The following PEAK1 variants were observed in gnomAD, a reference collection of about 807,000 sequenced individuals.
PEAK1 encodes inactive tyrosine-protein kinase PEAK1.
A neutral mutation model predicts 124.7 loss-of-function variants in PEAK1; 54 were observed. The observed-to-expected ratio is 0.43, with a 90% CI of 0.35 to 0.54. The LOEUF (loss-of-function observed/expected upper bound fraction) is 0.54, where lower values mean the gene tolerates loss of function less well. Ranked by LOEUF, PEAK1 falls within the 20% of genes least tolerant of loss-of-function variation. The probability of loss-of-function intolerance (pLI) is 0.01; values close to 1 mark genes in which losing one functional copy is unlikely to be tolerated. For synonymous variants in PEAK1, 719 were observed against 760.0 expected, an observed-to-expected ratio of 0.95 and a Z score of 0.89; for missense variants, 2,046 against 2,134.5, an observed-to-expected ratio of 0.96 and a Z score of 0.82.
At chr15:77,243,762 G>A (rs2060456732) in intron 6 of PEAK1, among the ~76,000 whole-genome samples, 1 of 152,138 alleles carries the variant, frequency 6.6e-6, no homozygotes, top group Non-Finnish European at 1.5e-5. Context: ...CTGGGGTCGG[G>A]AGTACTAGAC....
intron 6 of PEAK1, among the ~76,000 whole-genome samples, chr15:77,197,417 A>G (rs979250371): frequency 6.6e-6 from 1 of 152,202 alleles, no homozygotes; most frequent in Non-Finnish European, 1.5e-5. Flanking sequence ...GACATAATTG[A>G]AAGTCCAAAA....
chr15:77,351,815 C>T (rs2067227512), intron 2 of PEAK1: 1 of 985,198 alleles, frequency 1.0e-6, no homozygotes. Flanking sequence ...GTTTTGAACA[C>T]GGGTGTGGTA....
chr15:77,293,954 C>A (rs951331287), intron 2 of PEAK1, among the ~76,000 whole-genome samples: 1 of 152,182 alleles, frequency 6.6e-6, no homozygotes, highest in Non-Finnish European at 1.5e-5. Context: ...AAGGCTCTTT[C>A]TATCTTTTTG....
intron 2 of PEAK1, among the ~76,000 whole-genome samples, chr15:77,294,611 G>A (rs117516540): frequency 1.3e-5 from 2 of 152,206 alleles, no homozygotes; most frequent in Non-Finnish European, 2.9e-5. Context: ...TGTAAAATGC[G>A]ATAAACACAT....
At chr15:77,338,365 A>T (rs765677924) in intron 2 of PEAK1, among the ~76,000 whole-genome samples, 6 of 152,176 alleles carry the variant, frequency 3.9e-5, no homozygotes, top group Non-Finnish European at 5.9e-5. Context: ...CTTTACCTCC[A>T]CCTTGAATTG....
In PEAK1 at chr15:77,280,564, CTT is replaced by C. The variant is rs71447149; in HGVS notation, c.-275+3317_-275+3318del. 7.8e-3 allele frequency among the ~76,000 whole-genome samples: 1,082 copies of C among 138,670 alleles called. 6 individuals carry two copies. Among genetic ancestry groups the C allele is most frequent in the African/African-American group, 0.021 (777 of 37,666 alleles). 91.0% of individuals were successfully genotyped at this position (138,670 alleles called of 152,430 possible). On this transcript the variant is annotated intron_variant, in intron 5 of 9. Coordinates refer to ENST00000682557, the MANE Select transcript of PEAK1 (RefSeq NM_001385026.1). Reference sequence around the variant, plus strand: ...TGTAAGGGGATAATCAAATGATTTCCTTTTTTTTTTTTTTTGAGCCTTTTCTT... The same window carrying C: ...TGTAAGGGGATAATCAAATGATTTCCTTTTTTTTTTTTTGAGCCTTTTCTT...
At chr15:77,394,345 C>T (rs1397975928) in intron 1 of PEAK1, among the ~76,000 whole-genome samples, 1 of 152,232 alleles carries the variant, frequency 6.6e-6, no homozygotes, top group Non-Finnish European at 1.5e-5. Flanking sequence ...ATGCTGACCG[C>T]AGGTCTGACC....
At position 77,141,233 on chromosome 15, in the gene PEAK1, A is replaced by G. The variant is rs75295746; in HGVS notation, c.3332-7483T>C. ...AAGATCAACATACAAAAACCAATTC[A>G]TTTCTATACATTATAAATGAATGAT... On this transcript the variant is annotated intron_variant, in intron 8 of 9. Coordinates refer to ENST00000682557, the MANE Select transcript of PEAK1 (RefSeq NM_001385026.1). Among the ~76,000 whole-genome samples, 684 of 152,324 alleles carry G rather than the reference A, an allele frequency of 4.5e-3. 6 individuals are homozygous for G. Among genetic ancestry groups the G allele is most frequent in the African/African-American group, 0.016 (655 of 41,572 alleles).
intron 6 of PEAK1, among the ~76,000 whole-genome samples, chr15:77,206,759 T>G (rs887661875): frequency 7.2e-5 from 11 of 152,180 alleles, no homozygotes; most frequent in Non-Finnish European, 1.2e-4. Flanking sequence ...TGCGAAAATT[T>G]TCTCCCATTT....
chr15:77,354,801 A>G (rs2067407884), intron 2 of PEAK1, among the ~76,000 whole-genome samples: 1 of 152,178 alleles, frequency 6.6e-6, no homozygotes, highest in African/African-American at 2.4e-5. Flanking sequence ...GCACTTTGGG[A>G]GGCCGATGGT....
intron 2 of PEAK1, among the ~76,000 whole-genome samples, chr15:77,343,148 T>C (rs917664198): frequency 6.6e-6 from 1 of 152,252 alleles, no homozygotes; most frequent in African/African-American, 2.4e-5. Context: ...GTTTTCTTTT[T>C]CCTTTTTCAA....
chr15:77,325,516 A>C (rs757630621), intron 2 of PEAK1, among the ~76,000 whole-genome samples: 1 of 152,162 alleles, frequency 6.6e-6, no homozygotes, highest in Non-Finnish European at 1.5e-5. Context: ...TCAGCTGTCA[A>C]GCGCTTTTAT....
At chr15:77,230,262 C>G (rs62008418) in intron 6 of PEAK1, among the ~76,000 whole-genome samples, 12 of 151,356 alleles carry the variant, frequency 7.9e-5, no homozygotes, top group Admixed American at 2.0e-4. Flanking sequence ...TGCAGTGGTG[C>G]GATCTCAGCT....
chr15:77,150,696 T>C (rs1322140632), intron 8 of PEAK1, among the ~76,000 whole-genome samples: 1 of 127,664 alleles, frequency 7.8e-6, no homozygotes. Context: ...CGGAGTGTGA[T>C]GTTCCCCTTC....
At chr15:77,404,413 A>G (rs1048657919) in intron 1 of PEAK1, 2 of 820,786 alleles carry the variant, frequency 2.4e-6, no homozygotes, top group African/African-American at 3.7e-5. Flanking sequence ...AGTGGAAAAT[A>G]TACATTGGAT....
rs1419768544 is a variant in PEAK1 at position 77,110,339 on chromosome 15, CA to C, written c.*3816del. On this transcript the variant is annotated 3_prime_UTR_variant, in exon 10 of 10. Transcript: ENST00000682557. ...AACTCCTGACCTCAGGTGATCTGCC[CA>C]CCTCGCCCTCCTAAAGTGTTGGGAT... 1.3e-5 allele frequency: 2 copies of C among 152,208 alleles called. No individual in the cohort carries two copies. The highest frequency in any genetic ancestry group is 6.5e-5 in the Admixed American group (1 of 15,280). The allele number at this position is 152,208 out of a possible 1,614,324, so 9.4% of individuals were successfully genotyped here. A position where few individuals can be genotyped will look rare whatever the true frequency, so the allele number is the denominator to read the frequency against.
chr15:77,276,258 G>T (rs1202230632), intron 5 of PEAK1, among the ~76,000 whole-genome samples: 1 of 152,128 alleles, frequency 6.6e-6, no homozygotes, highest in Non-Finnish European at 1.5e-5. Context: ...CCCAAACAGT[G>T]TAAACCCCAA....
chr15:77,169,940 T>C (rs993240656), intron 7 of PEAK1, among the ~76,000 whole-genome samples: 9 of 152,076 alleles, frequency 5.9e-5, no homozygotes, highest in African/African-American at 2.2e-4. Context: ...TATGTTTCAT[T>C]TGAAGTGGAG....
At chr15:77,170,066 G>T (rs2056401383) in intron 7 of PEAK1, among the ~76,000 whole-genome samples, 1 of 152,154 alleles carries the variant, frequency 6.6e-6, no homozygotes, top group South Asian at 2.1e-4. Context: ...TGTTTAGCCA[G>T]GGGTTAGCTA....
Sources: gnomAD v4.1 joint callset for allele counts (sites outside exome capture counted in the v4.1 genomes callset) on GRCh38, gnomAD v4.1.1 for gene constraint, MANE v1.5 for transcripts, NCBI Gene and HGNC (gene_info 2026-07-23, HGNC 2026-07-21) for gene names.